RANBP9: variants seen among roughly 807,000 people sequenced by gnomAD.
RANBP9 encodes the protein ran-binding protein 9.
A neutral mutation model predicts 84.3 loss-of-function variants in RANBP9; 15 were observed. The ratio of observed to expected loss-of-function variants is 0.18; its 90% CI spans 0.12 to 0.27. The LOEUF is 0.27. Among genes scored for constraint, RANBP9 ranks in the 10% least tolerant of loss-of-function variants. The pLI, the probability that RANBP9 is intolerant of heterozygous loss-of-function variation, is 1.00. For synonymous variants in RANBP9, 392 were observed against 349.6 expected, an observed-to-expected ratio of 1.12 and a Z score of -1.35; for missense variants, 809 against 912.8, an observed-to-expected ratio of 0.89 and a Z score of 1.46.
chr6:13,672,382 T>C (rs1173370987), intron 2 of RANBP9, among the ~76,000 whole-genome samples: 1 of 152,122 alleles, frequency 6.6e-6, no homozygotes, highest in East Asian at 1.9e-4. Flanking sequence ...GGCTCCAATA[T>C]AACAGATTAC....
chr6:13,663,837 T>C (rs1329640172), intron 2 of RANBP9, among the ~76,000 whole-genome samples: 1 of 152,062 alleles, frequency 6.6e-6, no homozygotes, highest in Non-Finnish European at 1.5e-5. Flanking sequence ...CCTGATACAA[T>C]TTAACACCAT....
intron 2 of RANBP9, among the ~76,000 whole-genome samples, chr6:13,690,542 A>C (rs1036934831): frequency 6.6e-6 from 1 of 152,228 alleles, no homozygotes; most frequent in African/African-American, 2.4e-5. Flanking sequence ...AGAAGAATTT[A>C]GGAACAGAAC....
intron 2 of RANBP9, among the ~76,000 whole-genome samples, chr6:13,676,369 C>A (rs1327551663): frequency 6.6e-6 from 1 of 151,870 alleles, no homozygotes; most frequent in African/African-American, 2.4e-5. Flanking sequence ...GTAATTCCAA[C>A]CAAACATGTA....
At position 13,659,242 on chromosome 6, in the gene RANBP9, C is replaced by CCACA. The variant is rs1340419495; in HGVS notation, c.684-414_684-411dup. ...AAGGGACACAGTACAAATTTAGACC[C>CCACA]CACACACACACACATACACACACAC... On this transcript the variant is annotated intron_variant, in intron 2 of 13. Coordinates refer to ENST00000011619, the MANE Select transcript of RANBP9 (RefSeq NM_005493.3). 2.1e-3 allele frequency among the ~76,000 whole-genome samples: 224 copies of CCACA among 105,822 alleles called. 2 individuals carry two copies. Among genetic ancestry groups the CCACA allele is most frequent in the African/African-American group, 5.6e-3 (178 of 31,526 alleles). 69.4% of individuals were successfully genotyped at this position (105,822 alleles called of 152,430 possible). A position where few individuals can be genotyped will look rare whatever the true frequency, so the allele number is the denominator to read the frequency against.
At chr6:13,660,716 A>C (rs1245227095) in intron 2 of RANBP9, among the ~76,000 whole-genome samples, 1 of 152,222 alleles carries the variant, frequency 6.6e-6, no homozygotes, top group African/African-American at 2.4e-5. Flanking sequence ...CTAGAAATTA[A>C]AACTCAGATT....
chr6:13,706,237 G>A (rs1758117269), intron 1 of RANBP9, among the ~76,000 whole-genome samples: 1 of 152,162 alleles, frequency 6.6e-6, no homozygotes, highest in African/African-American at 2.4e-5. Flanking sequence ...CCAGCTACTT[G>A]GAAGGCTGAG....
At chr6:13,674,161 C>G (rs1019709918) in intron 2 of RANBP9, among the ~76,000 whole-genome samples, 1 of 151,128 alleles carries the variant, frequency 6.6e-6, no homozygotes, top group South Asian at 2.1e-4. Context: ...ATGGTAGACA[C>G]TAAAACCCAA....
chr6:13,644,495 T>A, intron 6 of RANBP9, 50 bp downstream of exon 6: 1 of 1,549,706 alleles, frequency 6.5e-7, no homozygotes, highest in Admixed American at 1.9e-5. Flanking sequence ...ATAAATGTCT[T>A]ATAAAAAACA....
At chr6:13,650,585 T>C (rs563143411) in intron 5 of RANBP9, among the ~76,000 whole-genome samples, 4 of 152,256 alleles carry the variant, frequency 2.6e-5, no homozygotes, top group African/African-American at 7.2e-5. Flanking sequence ...TGGGACTGAG[T>C]TGCTTTTCCT....
intron 2 of RANBP9, among the ~76,000 whole-genome samples, chr6:13,676,621 AAAAT>A (rs910383808): frequency 2.0e-4 from 31 of 152,118 alleles, no homozygotes; most frequent in Non-Finnish European, 3.8e-4. Context: ...TCTGGATATT[AAAAT>A]AAATAAATTA....
At chr6:13,639,062 C>T (rs1000121094) in intron 9 of RANBP9, among the ~76,000 whole-genome samples, 1 of 152,204 alleles carries the variant, frequency 6.6e-6, no homozygotes, top group Admixed American at 6.5e-5. Context: ...ATAACCTATT[C>T]TCAGACAGCT....
intron 2 of RANBP9, among the ~76,000 whole-genome samples, chr6:13,676,474 G>A (rs1035804167): frequency 6.6e-6 from 1 of 151,944 alleles, no homozygotes; most frequent in African/African-American, 2.4e-5. Context: ...TTACCCTAAT[G>A]CCAAAACCAA....
At chr6:13,704,507 T>C (rs1170587570) in intron 1 of RANBP9, among the ~76,000 whole-genome samples, 7 of 152,130 alleles carry the variant, frequency 4.6e-5, no homozygotes, top group East Asian at 1.9e-4. Flanking sequence ...GGCACGTGCC[T>C]GTAGTTGCAG....
In RANBP9 at chr6:13,631,080, A is replaced by T. The variant is rs150394741; in HGVS notation, c.1947+1290T>A. The stretch of plus-strand genomic sequence containing the variant: ...GCCTCAGCCTCCCAAAGTGCTGGGA[A>T]TACAGGTGTGAGCCACCGCGCCCGG... On this transcript the variant is annotated intron_variant, in intron 12 of 13. Transcript: ENST00000011619. Among the ~76,000 whole-genome samples, 1,481 of 152,220 alleles carry T rather than the reference A, an allele frequency of 9.7e-3. 10 individuals are homozygous for T. Among genetic ancestry groups the T allele is most frequent in the African/African-American group, 0.033 (1,380 of 41,522 alleles).
chr6:13,636,304 G>T (rs987289614), intron 10 of RANBP9, among the ~76,000 whole-genome samples: 2 of 152,176 alleles, frequency 1.3e-5, no homozygotes, highest in African/African-American at 4.8e-5. Flanking sequence ...TCTGTAAAAT[G>T]GTTTAAATAG....
chr6:13,642,140 CT>C (rs1765079760), intron 7 of RANBP9, among the ~76,000 whole-genome samples: 1 of 152,164 alleles, frequency 6.6e-6, no homozygotes, highest in Non-Finnish European at 1.5e-5. Flanking sequence ...CACATACTAT[CT>C]CCTCCAACTA....
chr6:13,622,338 A>G lies in RANBP9; in HGVS notation c.*24T>C. 6.6e-7 allele frequency: 1 copy of G among 1,523,382 alleles called. No individual in the cohort carries two copies. 94.4% of individuals were successfully genotyped at this position (1,523,382 alleles called of 1,614,324 possible). A position where few individuals can be genotyped will look rare whatever the true frequency, so the allele number is the denominator to read the frequency against. Reference sequence around the variant, plus strand: ...CATGTTGACTATATGCCACAATATAAGTGTGAGCTCTTGAAATGCATAGCT... The same window carrying G: ...CATGTTGACTATATGCCACAATATAGGTGTGAGCTCTTGAAATGCATAGCT... On this transcript the variant is annotated 3_prime_UTR_variant, in exon 14 of 14. Transcript: ENST00000011619.
chr6:13,639,710 C>A lies in RANBP9; in HGVS notation c.1378G>T (p.Val460Leu), dbSNP rs1298709792. The change falls in exon 9 of 14, where the codon GTA becomes TTA. Residue 460 changes from valine to leucine, a missense_variant. By Grantham distance (32) the Val-to-Leu change is conservative. Coordinates refer to ENST00000011619, the MANE Select transcript of RANBP9 (RefSeq NM_005493.3). ...GGACTTCGGCCTCCCAAACATCGTA[C>A]TTCACTATCTGTACCATTCACCATT... ...IEMVNGTDSE[V>L]RCLGGRSPKS... 1 of 1,614,016 alleles carries A rather than the reference C, an allele frequency of 6.2e-7. No homozygotes were observed. Among genetic ancestry groups the A allele is most frequent in the African/African-American group, 1.3e-5 (1 of 74,932 alleles).
chr6:13,710,888 A>G (rs1758259707), intron 1 of RANBP9, 47 bp downstream of exon 1: 3 of 1,533,204 alleles, frequency 2.0e-6, no homozygotes, highest in East Asian at 2.6e-5. Context: ...GCGGCCGGCC[A>G]CGTCGGGTCA....
Sources: allele counts gnomAD v4.1 joint callset (sites outside exome capture counted in the v4.1 genomes callset), GRCh38; gene constraint gnomAD v4.1.1; transcripts MANE v1.5; gene names NCBI Gene and HGNC (gene_info 2026-07-23, HGNC 2026-07-21).